Variants in APOL1 observed in about 807,000 individuals in gnomAD.
APOL1 encodes apolipoprotein L1, also known as apolipoprotein L 1.
In APOL1, 17 loss-of-function variants were observed where a neutral mutation model predicts 14.9. The observed-to-expected ratio is 1.14, with a 90% CI of 0.78 to 1.71. The LOEUF is 1.71. Ranked by LOEUF, APOL1 falls within the 40% of genes most tolerant of loss-of-function variation. The probability of loss-of-function intolerance (pLI) is 0.00; values close to 1 mark genes in which losing one functional copy is unlikely to be tolerated. For missense variants in APOL1, 523 were observed against 485.9 expected (o/e 1.08, Z -0.72); for synonymous variants, 195 against 184.8 (o/e 1.05, Z -0.45).
Position 36,266,883 on chromosome 22 carries a change from T to C in APOL1, c.*850T>C, listed in dbSNP as rs927358955. The stretch of plus-strand genomic sequence containing the variant: ...TATCGCCACTGCACTCCAGCCTGGG[T>C]GACAGAGCGAGACTCCATCTCAAAA... On this transcript the variant is annotated 3_prime_UTR_variant, in exon 6 of 6. Transcript: ENST00000397278. 13 of 220,088 alleles carry C rather than the reference T, an allele frequency of 5.9e-5. No individual in the cohort carries two copies. Among genetic ancestry groups the C allele is most frequent in the South Asian group, 3.9e-4 (2 of 5,166 alleles). 13.6% of individuals were successfully genotyped at this position (220,088 alleles called of 1,614,324 possible). A position where few individuals can be genotyped will look rare whatever the true frequency, so the allele number is the denominator to read the frequency against.
chr22:36,257,501 T>G, intron 4 of APOL1, 94 bp downstream of exon 4: 1 of 1,290,748 alleles, frequency 7.7e-7, no homozygotes, highest in East Asian at 2.3e-5. Context: ...AGAACCCGGA[T>G]GGACTAGGAG....
chr22:36,257,696 C>CGGGGGGGGGGGG (rs71193213), intron 4 of APOL1: 1 of 211,710 alleles, frequency 4.7e-6, no homozygotes, highest in African/African-American at 5.4e-5. Flanking sequence ...GTGGAATCAG[C>CGGGGGGGGGGGG]GGGGGGGGGG....
chr22:36,259,313 G>T (rs910954902), intron 4 of APOL1, among the ~76,000 whole-genome samples: 1 of 152,196 alleles, frequency 6.6e-6, no homozygotes, highest in Non-Finnish European at 1.5e-5. Context: ...AGTGCCAGAG[G>T]TTCCTTCCAT....
At position 36,266,787 on chromosome 22, in the gene APOL1, T is replaced by C. The variant is rs569895384; in HGVS notation, c.*754T>C. ...GGGCATGGTGGCGGGCGCCTGTAGT[T>C]CCAGCTAACTGGGCGGCTGAGGCAG... On this transcript the variant is annotated 3_prime_UTR_variant, in exon 6 of 6. Transcript: ENST00000397278. The C allele has an allele frequency of 1.4e-4, 43 of 315,938 alleles. No homozygotes were observed. Among genetic ancestry groups the C allele is most frequent in the South Asian group, 1.3e-3 (8 of 6,202 alleles). 19.6% of individuals were successfully genotyped at this position (315,938 alleles called of 1,614,324 possible). A position where few individuals can be genotyped will look rare whatever the true frequency, so the allele number is the denominator to read the frequency against.
intron 4 of APOL1, among the ~76,000 whole-genome samples, chr22:36,260,108 T>A (rs2016030317): frequency 6.6e-6 from 1 of 152,172 alleles, no homozygotes; most frequent in African/African-American, 2.4e-5. Flanking sequence ...GAATTAAGAA[T>A]GAGGTGGCCG....
intron 1 of APOL1, 74 bp from the exon 2 acceptor site, chr22:36,254,863 A>G (rs1479229770): frequency 1.5e-6 from 2 of 1,305,044 alleles, no homozygotes; most frequent in Non-Finnish European, 2.1e-6. Context: ...ACTCCATTTC[A>G]AAAAAAAAAT....
chr22:36,263,160 A>T (rs1037814230), intron 5 of APOL1, among the ~76,000 whole-genome samples: 9 of 152,182 alleles, frequency 5.9e-5, no homozygotes, highest in African/African-American at 2.2e-4. Context: ...TGCAGGTGGT[A>T]GGTCAGGAGG....
At chr22:36,263,125 C>A (rs372425281) in intron 5 of APOL1, among the ~76,000 whole-genome samples, 1 of 152,196 alleles carries the variant, frequency 6.6e-6, no homozygotes, top group Admixed American at 6.5e-5. Flanking sequence ...GTGACACCTG[C>A]GAGTGAGACC....
Position 36,266,153 on chromosome 22 carries a change from C to A in APOL1, c.*120C>A. 2 of 1,124,680 alleles carry A rather than the reference C, an allele frequency of 1.8e-6. No homozygotes were observed. Among genetic ancestry groups the A allele is most frequent in the South Asian group, 3.4e-5 (2 of 59,632 alleles). 69.7% of individuals were successfully genotyped at this position (1,124,680 alleles called of 1,614,324 possible). A position where few individuals can be genotyped will look rare whatever the true frequency, so the allele number is the denominator to read the frequency against. On this transcript the variant is annotated 3_prime_UTR_variant, in exon 6 of 6. Coordinates refer to ENST00000397278, the MANE Select transcript of APOL1 (RefSeq NM_003661.4). The stretch of plus-strand genomic sequence containing the variant: ...GTCGCCAAGTTGGAGTGCAATGGTG[C>A]GATCTCAGCTCACTGCAAGCTCTGC...
chr22:36,255,090 T>A lies in APOL1; in HGVS notation c.44+91T>A, dbSNP rs1055317923. ...GGGCTTGGGCTGGGCCAGGGCCATCTGGGCTTCTTCTAGGAACCAAAGTCA... is the reference window on the plus strand; with the variant it reads ...GGGCTTGGGCTGGGCCAGGGCCATCAGGGCTTCTTCTAGGAACCAAAGTCA... On this transcript the variant is annotated intron_variant, in intron 2 of 5. Transcript: ENST00000397278. 1.6e-5 allele frequency: 24 copies of A among 1,458,652 alleles called. No individual in the cohort carries two copies. The South Asian group carries it at 2.3e-4, about 14-fold the overall frequency. 90.4% of individuals were successfully genotyped at this position (1,458,652 alleles called of 1,614,324 possible).
chr22:36,258,608 A>G (rs2015969475), intron 4 of APOL1, among the ~76,000 whole-genome samples: 2 of 152,344 alleles, frequency 1.3e-5, no homozygotes, highest in South Asian at 4.1e-4. Flanking sequence ...ATCAGCTTTT[A>G]GTGCAAAACA....
intron 4 of APOL1, among the ~76,000 whole-genome samples, chr22:36,258,377 C>G (rs753252037): frequency 6.6e-6 from 1 of 152,174 alleles, no homozygotes; most frequent in Non-Finnish European, 1.5e-5. Context: ...GAAAAAGTGT[C>G]GGAGACAAGG....
At chr22:36,263,782 A>T (rs1291773334) in intron 5 of APOL1, among the ~76,000 whole-genome samples, 1 of 152,172 alleles carries the variant, frequency 6.6e-6, no homozygotes, top group East Asian at 1.9e-4. Context: ...AGCTCCAAAT[A>T]TAGTAAAGAC....
intron 4 of APOL1, among the ~76,000 whole-genome samples, chr22:36,257,876 G>A (rs956450111): frequency 6.6e-6 from 1 of 152,148 alleles, no homozygotes; most frequent in Non-Finnish European, 1.5e-5. Context: ...CCTTTGCTCT[G>A]AGTGGCCCTG....
rs1236329724 is a variant in APOL1 at position 36,266,515 on chromosome 22, G to C, written c.*482G>C. 1 of 400,232 alleles carries C rather than the reference G, an allele frequency of 2.5e-6. No individual in the cohort carries two copies. The highest frequency in any genetic ancestry group is 2.1e-5 in the African/African-American group (1 of 48,652). The allele number at this position is 400,232 out of a possible 1,614,324, so 24.8% of individuals were successfully genotyped here. Reference sequence around the variant, plus strand: ...AGGGGTTAATGCAGATGGCAGTGCAGCAAGGAGAAGGCAGGAACATTGGAG... The same window carrying C: ...AGGGGTTAATGCAGATGGCAGTGCACCAAGGAGAAGGCAGGAACATTGGAG... On this transcript the variant is annotated 3_prime_UTR_variant, in exon 6 of 6. Transcript: ENST00000397278.
intron 4 of APOL1, among the ~76,000 whole-genome samples, chr22:36,258,363 T>C (rs1341356062): frequency 6.6e-6 from 1 of 152,204 alleles, no homozygotes; most frequent in Non-Finnish European, 1.5e-5. Flanking sequence ...CTTCGTGCTA[T>C]GGTGAAAAAG....
chr22:36,258,375 G>A (rs904818749), intron 4 of APOL1, among the ~76,000 whole-genome samples: 1 of 152,250 alleles, frequency 6.6e-6, no homozygotes, highest in Non-Finnish European at 1.5e-5. Flanking sequence ...GTGAAAAAGT[G>A]TCGGAGACAA....
rs1170428598 is a variant in APOL1 at position 36,265,376 on chromosome 22, C to T, written c.540C>T (p.Gly180=). 6.2e-7 allele frequency: 1 copy of T among 1,612,614 alleles called. No individual in the cohort carries two copies. Among genetic ancestry groups the T allele is most frequent in the Non-Finnish European group, 8.5e-7 (1 of 1,179,102 alleles). The change falls in exon 6 of 6, where the codon GGC becomes GGT. Residue 180 remains glycine, a synonymous_variant. Coordinates refer to ENST00000397278, the MANE Select transcript of APOL1 (RefSeq NM_003661.4). ...KGTTIANVVS[G]SLSISSGILT... ...CCACCATCGCCAATGTGGTGTCTGG[C>T]TCTCTCAGCATTTCCTCTGGCATCC...
chr22:36,254,658 C>T (rs1317728928), intron 1 of APOL1, among the ~76,000 whole-genome samples: 2 of 152,048 alleles, frequency 1.3e-5, no homozygotes, highest in African/African-American at 2.4e-5. Flanking sequence ...GTCAGGATAT[C>T]GAGACCATCC....
Sources: gnomAD v4.1 joint callset for allele counts (sites outside exome capture counted in the v4.1 genomes callset) on GRCh38, gnomAD v4.1.1 for gene constraint, MANE v1.5 for transcripts, NCBI Gene and HGNC (gene_info 2026-07-23, HGNC 2026-07-21) for gene names.